The following CNNM4 variants were observed in gnomAD, a reference collection of about 807,000 sequenced individuals.
CNNM4 encodes cyclin and CBS domain divalent metal cation transport mediator 4, also known as metal transporter CNNM4.
Under a neutral mutation model 53.7 loss-of-function variants are expected in CNNM4, and 32 were observed. The ratio of observed to expected loss-of-function variants is 0.60; its 90% CI spans 0.45 to 0.80. CNNM4 has a LOEUF of 0.80. CNNM4 is among the 30% of genes least tolerant of loss of function. The probability of loss-of-function intolerance (pLI) is 0.00; values close to 1 mark genes in which losing one functional copy is unlikely to be tolerated. For synonymous variants in CNNM4, 410 were observed against 440.0 expected (o/e 0.93, Z 0.85); for missense variants, 784 against 1,022.0 (o/e 0.77, Z 3.17).
chr2:96,807,822 A>G (rs925605207), intron 5 of CNNM4, among the ~76,000 whole-genome samples: 1 of 152,118 alleles, frequency 6.6e-6, no homozygotes. Context: ...CTTTTAATGC[A>G]TATTTTTTAT....
chr2:96,797,500 C>G lies in CNNM4; in HGVS notation c.1547-13C>G. The G allele has an allele frequency of 6.2e-7, 1 of 1,613,750 alleles. No homozygotes were observed. Among genetic ancestry groups the G allele is most frequent in the African/African-American group, 1.3e-5 (1 of 75,070 alleles). On this transcript the variant is annotated splice_polypyrimidine_tract_variant and intron_variant, in intron 2 of 6. Coordinates refer to ENST00000377075, the MANE Select transcript of CNNM4 (RefSeq NM_020184.4). The surrounding 1 kb of genome is among the most constrained non-coding windows in gnomAD (Gnocchi z 6.0). ...GGGTCTGTGTTCTCAATTCCACGCT[C>G]TTCTTCCGGCAGCTGACAACCGAAG...
At chr2:96,774,960 C>CAAAAAAAAAAAAAAAAAAA (rs56997097) in intron 1 of CNNM4, among the ~76,000 whole-genome samples, 1 of 17,668 alleles carries the variant, frequency 5.7e-5, no homozygotes, top group Non-Finnish European at 1.2e-4. Context: ...GACTCCATCT[C>CAAAAAAAAAAAAAAAAAAA]AAAAAAAAAA....
Position 96,808,755 on chromosome 2 carries a change from C to T in CNNM4, c.2130+13C>T, listed in dbSNP as rs1558999075. On this transcript the variant is annotated intron_variant, in intron 6 of 6. Coordinates refer to ENST00000377075, the MANE Select transcript of CNNM4 (RefSeq NM_020184.4). This position sits in a 1 kb window ranked among gnomAD's most constrained non-coding sequence, Gnocchi z 4.9. ...GCAGTACATCAAGGTGAGTGCCTCA[C>T]TGCCCTGTCTGGGCAGTGCTATCTT... The T allele has an allele frequency of 1.2e-6, 2 of 1,612,902 alleles. No individual in the cohort carries two copies. Among genetic ancestry groups the T allele is most frequent in the East Asian group, 2.2e-5 (1 of 44,868 alleles).
chr2:96,798,790 G>T (rs1041964546), intron 3 of CNNM4, among the ~76,000 whole-genome samples: 1 of 152,184 alleles, frequency 6.6e-6, no homozygotes, highest in Non-Finnish European at 1.5e-5. Context: ...AAACTGAGAT[G>T]CAGGTTAAGT....
intron 6 of CNNM4, 58 bp from the exon 7 acceptor site, chr2:96,809,262 G>C (rs2079235690): frequency 6.2e-7 from 1 of 1,605,964 alleles, no homozygotes. Context: ...CTCCAGGCCT[G>C]GTGATAGGGT....
intron 1 of CNNM4, among the ~76,000 whole-genome samples, chr2:96,772,173 C>T (rs1050173245): frequency 1.3e-5 from 2 of 151,934 alleles, no homozygotes; most frequent in African/African-American, 4.8e-5. Flanking sequence ...ACACTCATAC[C>T]CCACATAGGC....
chr2:96,773,926 T>A lies in CNNM4; in HGVS notation c.1402+11525T>A, dbSNP rs529765317. On this transcript the variant is annotated intron_variant, in intron 1 of 6. Coordinates refer to ENST00000377075, the MANE Select transcript of CNNM4 (RefSeq NM_020184.4). Reference sequence around the variant, plus strand: ...ATAAACTGAGCTCAAAAGAACCCTCTATATAATTATATGCTAATTCAGATG... The same window carrying A: ...ATAAACTGAGCTCAAAAGAACCCTCAATATAATTATATGCTAATTCAGATG... 2.3e-3 allele frequency among the ~76,000 whole-genome samples: 351 copies of A among 151,842 alleles called. 1 individual carries two copies. The highest frequency in any genetic ancestry group is 4.1e-3 in the Non-Finnish European group (276 of 67,910).
intron 1 of CNNM4, chr2:96,788,740 C>T (rs546063262): frequency 5.9e-5 from 9 of 152,352 alleles, no homozygotes; most frequent in Admixed American, 1.3e-4. Flanking sequence ...GGCCTGAGAG[C>T]GCGGGAACAT....
Position 96,801,561 on chromosome 2 carries a change from A to T in CNNM4, c.1948+1913A>T, listed in dbSNP as rs2079158339. Among the ~76,000 whole-genome samples the T allele has an allele frequency of 6.7e-6, 1 of 149,670 alleles. No homozygotes were observed. The highest frequency in any genetic ancestry group is 1.5e-5 in the Non-Finnish European group (1 of 67,312). On this transcript the variant is annotated intron_variant, in intron 5 of 6. Coordinates refer to ENST00000377075, the MANE Select transcript of CNNM4 (RefSeq NM_020184.4). The surrounding 1 kb of genome is among the most constrained non-coding windows in gnomAD (Gnocchi z 5.6). ...ACAGAGAGACCACACACACACAGAGACCACACACAGAGATAGCACACACAC... is the reference window on the plus strand; with the variant it reads ...ACAGAGAGACCACACACACACAGAGTCCACACACAGAGATAGCACACACAC...
intron 1 of CNNM4, among the ~76,000 whole-genome samples, chr2:96,771,198 G>C (rs1392292752): frequency 6.6e-6 from 1 of 152,072 alleles, no homozygotes; most frequent in African/African-American, 2.4e-5. Flanking sequence ...CTGTCGTGGA[G>C]AGGGTCAGAA....
chr2:96,800,137 A>G lies in CNNM4; in HGVS notation c.1948+489A>G, dbSNP rs2079145990. 6.6e-6 allele frequency among the ~76,000 whole-genome samples: 1 copy of G among 152,002 alleles called. No individual in the cohort carries two copies. Among genetic ancestry groups the G allele is most frequent in the African/African-American group, 2.4e-5 (1 of 41,398 alleles). On this transcript the variant is annotated intron_variant, in intron 5 of 6. Coordinates refer to ENST00000377075, the MANE Select transcript of CNNM4 (RefSeq NM_020184.4). The surrounding 1 kb of genome is among the most constrained non-coding windows in gnomAD (Gnocchi z 4.6). ...GTTAGAGGTCAGCTCCGATGGAATA[A>G]AGGGCCTTGGGGACAGACAGAAGGG... is the stretch of plus-strand genomic sequence containing the variant.
At chr2:96,786,636 C>T (rs954278613) in intron 1 of CNNM4, among the ~76,000 whole-genome samples, 1 of 151,346 alleles carries the variant, frequency 6.6e-6, no homozygotes, top group African/African-American at 2.4e-5. Flanking sequence ...AAAATTAGCT[C>T]AGCGTGGTGG....
chr2:96,765,005 G>GAGT (rs1370601950), intron 1 of CNNM4, among the ~76,000 whole-genome samples: 1 of 104,346 alleles, frequency 9.6e-6, no homozygotes, highest in Non-Finnish European at 1.8e-5. Flanking sequence ...AAGAGTTTAG[G>GAGT]AGTCTGGTGT....
chr2:96,802,480 G>T (rs763906387), intron 5 of CNNM4, among the ~76,000 whole-genome samples: 4 of 152,244 alleles, frequency 2.6e-5, no homozygotes, highest in Non-Finnish European at 4.4e-5. Flanking sequence ...CCGTTCAGCT[G>T]CTGGCCCAGT....
intron 5 of CNNM4, among the ~76,000 whole-genome samples, chr2:96,804,464 C>T (rs183604589): frequency 7.9e-5 from 12 of 151,698 alleles, no homozygotes; most frequent in Non-Finnish European, 1.3e-4. Context: ...TGCAATGGCG[C>T]GATTTCAGCT....
Position 96,761,396 on chromosome 2 carries a change from G to A in CNNM4, c.397G>A (p.Val133Met). 2 of 1,614,086 alleles carry A rather than the reference G, an allele frequency of 1.2e-6. No homozygotes were observed. Among genetic ancestry groups the A allele is most frequent in the Non-Finnish European group, 1.7e-6 (2 of 1,180,028 alleles). Residue 133 changes from valine to methionine, a missense_variant, in exon 1 of 7, where the codon GTG (valine) becomes ATG (methionine). Physicochemically the swap from Val to Met is conservative, Grantham distance 21. Transcript: ENST00000377075. The surrounding 1 kb of genome is among the most constrained non-coding windows in gnomAD (Gnocchi z 6.0). ...VSRGNTSGVL[V>M]VLTKFLRRSE... The stretch of plus-strand genomic sequence containing the variant: ...CCGCGGGAACACGTCCGGCGTGCTG[G>A]TGGTGCTCACCAAGTTCCTCCGGAG...
At position 96,761,699 on chromosome 2, in the gene CNNM4, C is replaced by T; in HGVS notation, c.700C>T (p.Pro234Ser). 6.2e-7 allele frequency: 1 copy of T among 1,609,776 alleles called. No individual in the cohort carries two copies. Among genetic ancestry groups the T allele is most frequent in the Non-Finnish European group, 8.5e-7 (1 of 1,179,996 alleles). ...GAGGCGCTATGCCCGCAAGATTGAG[C>T]CCATCCGGCGCAAGGGCAACTACCT... ...KERRYARKIE[P>S]IRRKGNYLLC... Residue 234 changes from proline (P) to serine (S), a missense_variant, in exon 1 of 7, where the codon CCC becomes TCC. By Grantham distance (74) the Pro-to-Ser change is moderately conservative (BLOSUM62 -1). This residue lies in a region of CNNM4 where 473 missense variants were observed against 624.6 expected (regional missense o/e 0.76). Coordinates refer to ENST00000377075, the MANE Select transcript of CNNM4 (RefSeq NM_020184.4). The surrounding 1 kb of genome is among the most constrained non-coding windows in gnomAD (Gnocchi z 6.0).
rs1033762052 is a variant in CNNM4, at chr2:96,797,352, C to T, written c.1547-161C>T. Among the ~76,000 whole-genome samples, 5 of 152,224 alleles carry T rather than the reference C, an allele frequency of 3.3e-5. No homozygotes were observed. The highest frequency in any genetic ancestry group is 2.1e-4 in the South Asian group (1 of 4,836). On this transcript the variant is annotated intron_variant, in intron 2 of 6. Coordinates refer to ENST00000377075, the MANE Select transcript of CNNM4 (RefSeq NM_020184.4). This position sits in a 1 kb window ranked among gnomAD's most constrained non-coding sequence, Gnocchi z 6.0. ...AGTGCCCGGAGGCTGCCTTCACCCT[C>T]GGCCTTTGTGCCTCGGCGTCAGCCC...
chr2:96,799,510 C>T (rs569538229), intron 4 of CNNM4, 42 bp from the exon 5 acceptor site: 1 of 1,513,140 alleles, frequency 6.6e-7, no homozygotes, highest in Non-Finnish European at 9.0e-7. Flanking sequence ...CCTTTGTTTC[C>T]TCCCTCACTT....
Sources: allele counts gnomAD v4.1 joint callset (sites outside exome capture counted in the v4.1 genomes callset), GRCh38; gene constraint gnomAD v4.1.1; regional missense constraint gnomAD v4.1.1; non-coding constraint Gnocchi (gnomAD v3.1); transcripts MANE v1.5; gene names NCBI Gene and HGNC (gene_info 2026-07-23, HGNC 2026-07-21).